Variants in ADGRA3 observed in about 807,000 individuals in gnomAD.
ADGRA3 encodes adhesion G protein-coupled receptor A3, also known as G-protein coupled receptor 125.
In ADGRA3, 56 loss-of-function variants were observed where a neutral mutation model predicts 119.8. The observed-to-expected ratio is 0.47, with a 90% CI of 0.38 to 0.58. ADGRA3 has a LOEUF of 0.58. Ranked by LOEUF, ADGRA3 falls within the 20% of genes least tolerant of loss-of-function variation. The pLI is 0.00. For missense variants in ADGRA3, 1,516 were observed against 1,649.0 expected (o/e 0.92, Z 1.40); for synonymous variants, 607 against 623.8 (o/e 0.97, Z 0.40).
intron 1 of ADGRA3, among the ~76,000 whole-genome samples, chr4:22,487,384 C>T (rs955514230): frequency 6.6e-6 from 1 of 152,118 alleles, no homozygotes; most frequent in Non-Finnish European, 1.5e-5. Context: ...CTAGCTCCTT[C>T]GCATGTGCAA....
intron 1 of ADGRA3, among the ~76,000 whole-genome samples, chr4:22,481,204 C>A (rs957655106): frequency 6.6e-6 from 1 of 152,290 alleles, no homozygotes; most frequent in Non-Finnish European, 1.5e-5. Flanking sequence ...GGAAGGTTGG[C>A]TAGATTTTGG....
chr4:22,496,682 T>C (rs773859585), intron 1 of ADGRA3, among the ~76,000 whole-genome samples: 19 of 152,196 alleles, frequency 1.2e-4, no homozygotes, highest in African/African-American at 2.7e-4. Flanking sequence ...CTTTTGTAAA[T>C]ATAAGTGGCT....
chr4:22,508,086 C>T (rs1577391006), intron 1 of ADGRA3, among the ~76,000 whole-genome samples: 1 of 152,174 alleles, frequency 6.6e-6, no homozygotes, highest in Non-Finnish European at 1.5e-5. Flanking sequence ...CACCCATACT[C>T]GAGGCGCTGT....
chr4:22,494,999 A>G (rs140266916), intron 1 of ADGRA3, among the ~76,000 whole-genome samples: 2 of 152,130 alleles, frequency 1.3e-5, no homozygotes, highest in African/African-American at 4.8e-5. Flanking sequence ...GTACAGTAGG[A>G]GATTAAAAAC....
At chr4:22,414,378 AC>A (rs1715347620) in intron 12 of ADGRA3, 1 of 413,388 alleles carries the variant, frequency 2.4e-6, no homozygotes, top group African/African-American at 2.0e-5. Flanking sequence ...AAAAATAATA[AC>A]ACATAGGAAC....
chr4:22,453,070 C>T (rs1460086995), intron 4 of ADGRA3, among the ~76,000 whole-genome samples: 3 of 151,508 alleles, frequency 2.0e-5, no homozygotes, highest in Non-Finnish European at 2.9e-5. Flanking sequence ...GGCGTGGTGG[C>T]GGGCACCTGT....
chr4:22,445,283 C>G, intron 5 of ADGRA3, 150 bp from the exon 6 acceptor site: 1 of 691,440 alleles, frequency 1.4e-6, no homozygotes. Flanking sequence ...TACAGTTTCT[C>G]TCCAAGGAGC....
At chr4:22,462,003 A>G (rs1209065094) in intron 2 of ADGRA3, among the ~76,000 whole-genome samples, 195 bp from the exon 3 acceptor site, 1 of 152,204 alleles carries the variant, frequency 6.6e-6, no homozygotes, top group Non-Finnish European at 1.5e-5. Flanking sequence ...ATCTGGCTCC[A>G]AAGCCTTTTG....
In ADGRA3 at chr4:22,436,478, C is replaced by A; in HGVS notation, c.1249G>T (p.Ala417Ser). The change falls in exon 9 of 19, where the codon GCA (alanine) becomes TCA (serine). Residue 417 changes from alanine to serine, a missense_variant. Coordinates refer to ENST00000334304, the MANE Select transcript of ADGRA3 (RefSeq NM_145290.4). ...ADDDYSRCQY[A>S]NDVTRVLYMF... ...TAAAGAACTCTAGTGACATCATTTG[C>A]ATACTGACAGCGAGAATAATCATCA... 6.2e-7 allele frequency: 1 copy of A among 1,612,298 alleles called. No homozygotes were observed. The highest frequency in any genetic ancestry group is 8.5e-7 in the Non-Finnish European group (1 of 1,179,780).
At chr4:22,484,043 G>C (rs1718340221) in intron 1 of ADGRA3, among the ~76,000 whole-genome samples, 1 of 151,928 alleles carries the variant, frequency 6.6e-6, no homozygotes, top group South Asian at 2.1e-4. Context: ...CCTAACACAG[G>C]CATCCAAATT....
chr4:22,438,905 G>T (rs376017985), intron 7 of ADGRA3, among the ~76,000 whole-genome samples: 2 of 152,104 alleles, frequency 1.3e-5, no homozygotes, highest in Non-Finnish European at 2.9e-5. Context: ...GCTGAGTGAG[G>T]CTGGAGGATG....
rs1160120097 is a variant in ADGRA3 at position 22,515,435 on chromosome 4, G to A, written c.257+93C>T. The A allele has an allele frequency of 1.6e-5, 23 of 1,437,722 alleles. No homozygotes were observed. In the East Asian group the frequency reaches 1.7e-4, roughly 11 times the overall value. 89.1% of individuals were successfully genotyped at this position (1,437,722 alleles called of 1,614,324 possible). A position where few individuals can be genotyped will look rare whatever the true frequency, so the allele number is the denominator to read the frequency against. ...CCTGCCTACAGCTCCACACAAAGGC[G>A]CGTGGGTGCCGGCTGGACCCTGCTC... is the stretch of plus-strand genomic sequence containing the variant. On this transcript the variant is annotated intron_variant, in intron 1 of 18. Transcript: ENST00000334304.
chr4:22,443,269 T>G (rs888808775), intron 6 of ADGRA3: 6 of 486,724 alleles, frequency 1.2e-5, no homozygotes, highest in Non-Finnish European at 1.4e-5. Context: ...GTAAAACTAA[T>G]GCATGTTCAC....
At chr4:22,457,181 T>C (rs529290923) in intron 3 of ADGRA3, among the ~76,000 whole-genome samples, 2 of 152,316 alleles carry the variant, frequency 1.3e-5, no homozygotes, top group East Asian at 1.9e-4. Flanking sequence ...CTTAAATTCG[T>C]TGATAAAACA....
chr4:22,440,120 A>T (rs746807155), intron 7 of ADGRA3, among the ~76,000 whole-genome samples: 4 of 152,150 alleles, frequency 2.6e-5, no homozygotes, highest in Non-Finnish European at 4.4e-5. Context: ...TACACGTAGC[A>T]CTTGCTTTGT....
chr4:22,470,620 T>C (rs1361149962), intron 2 of ADGRA3, among the ~76,000 whole-genome samples: 1 of 152,194 alleles, frequency 6.6e-6, no homozygotes, highest in Non-Finnish European at 1.5e-5. Flanking sequence ...CTGCTGTATT[T>C]TCAAGTCGTC....
intron 16 of ADGRA3, 97 bp downstream of exon 16, chr4:22,401,329 TAAAGA>T (rs1714630246): frequency 9.6e-7 from 1 of 1,043,474 alleles, no homozygotes; most frequent in Non-Finnish European, 1.4e-6. Context: ...TTTAATCAGT[TAAAGA>T]AAAGGTATTA....
At chr4:22,459,139 T>C (rs1189757274) in intron 3 of ADGRA3, among the ~76,000 whole-genome samples, 1 of 151,478 alleles carries the variant, frequency 6.6e-6, no homozygotes, top group Admixed American at 6.6e-5. Context: ...ATATTTTACT[T>C]GCAAAAGCAA....
intron 1 of ADGRA3, among the ~76,000 whole-genome samples, chr4:22,476,317 A>T (rs1365561337): frequency 6.6e-6 from 1 of 152,146 alleles, no homozygotes; most frequent in East Asian, 1.9e-4. Context: ...GGCACTCACC[A>T]AACTGACAAA....
Sources: gnomAD v4.1 joint callset for allele counts (sites outside exome capture counted in the v4.1 genomes callset) on GRCh38, gnomAD v4.1.1 for gene constraint, MANE v1.5 for transcripts, NCBI Gene and HGNC (gene_info 2026-07-23, HGNC 2026-07-21) for gene names.